PHF21B: variants seen among roughly 807,000 people sequenced by gnomAD.
PHF21B encodes the protein PHD finger protein 21B.
A neutral mutation model predicts 62.2 loss-of-function variants in PHF21B; 22 were observed. That is an observed-to-expected ratio of 0.35 (90% confidence interval 0.25 to 0.51). The LOEUF (loss-of-function observed/expected upper bound fraction) is 0.51. Among genes scored for constraint, PHF21B ranks in the 20% least tolerant of loss-of-function variants. The pLI is 0.97. For missense variants in PHF21B, 701 were observed against 707.9 expected (o/e 0.99, Z 0.11); for synonymous variants, 341 against 314.7 (o/e 1.08, Z -0.88).
chr22:44,944,145 T>C (rs1300991010), intron 2 of PHF21B, among the ~76,000 whole-genome samples: 1 of 152,178 alleles, frequency 6.6e-6, no homozygotes, highest in South Asian at 2.1e-4. Flanking sequence ...CTGCAGACAG[T>C]GAAGGACTGT....
chr22:44,925,173 G>A (rs1437524268), intron 2 of PHF21B, among the ~76,000 whole-genome samples: 4 of 152,054 alleles, frequency 2.6e-5, no homozygotes, highest in African/African-American at 9.7e-5. Flanking sequence ...ATTACAAAAC[G>A]ACACCAGGAC....
chr22:44,931,541 G>A (rs138675070), intron 2 of PHF21B, among the ~76,000 whole-genome samples: 1 of 150,314 alleles, frequency 6.7e-6, no homozygotes, highest in Non-Finnish European at 1.5e-5. Flanking sequence ...GCGTTGCAGA[G>A]CAGTTTGTTT....
chr22:45,009,310 G>C lies in PHF21B; in HGVS notation c.54+186C>G. 1 of 635,680 alleles carries C rather than the reference G, an allele frequency of 1.6e-6. No individual in the cohort carries two copies. The highest frequency in any genetic ancestry group is 2.6e-6 in the Non-Finnish European group (1 of 384,456). The allele number at this position is 635,680 out of a possible 1,614,324, so 39.4% of individuals were successfully genotyped here. ...CCGCAAACTGTGCAGGACAGCGCCA[G>C]GGGCAGGCGGAGGGGAGCCCAGAAG... On this transcript the variant is annotated intron_variant, in intron 1 of 12. Transcript: ENST00000313237. The surrounding 1 kb of genome is among the most constrained non-coding windows in gnomAD (Gnocchi z 5.9).
intron 2 of PHF21B, among the ~76,000 whole-genome samples, chr22:45,004,819 G>A (rs978840822): frequency 1.3e-5 from 2 of 152,220 alleles, no homozygotes; most frequent in African/African-American, 4.8e-5. Flanking sequence ...TCAAGACAAC[G>A]TACTTTTACT....
chr22:45,002,345 C>A (rs766394830), intron 2 of PHF21B, among the ~76,000 whole-genome samples: 8 of 152,264 alleles, frequency 5.3e-5, no homozygotes, highest in Admixed American at 5.2e-4. Context: ...TGCACACAAA[C>A]ACATACACAC....
chr22:44,918,292 G>A (rs1601597778), intron 3 of PHF21B, among the ~76,000 whole-genome samples: 2 of 152,340 alleles, frequency 1.3e-5, no homozygotes, highest in East Asian at 3.9e-4. Flanking sequence ...CGATCATCTG[G>A]GGTTTGCCCA....
At chr22:44,953,744 T>C (rs1281202987) in intron 2 of PHF21B, among the ~76,000 whole-genome samples, 2 of 152,202 alleles carry the variant, frequency 1.3e-5, no homozygotes, top group African/African-American at 4.8e-5. Context: ...CCCATTAGTA[T>C]CACAAGCAAG....
intron 2 of PHF21B, among the ~76,000 whole-genome samples, chr22:44,987,127 T>C (rs2072964263): frequency 6.6e-6 from 1 of 152,118 alleles, no homozygotes; most frequent in Non-Finnish European, 1.5e-5. Context: ...GACAAACAAC[T>C]TTGGTCACGG....
intron 5 of PHF21B, chr22:44,901,510 T>C (rs2071158741): frequency 9.0e-6 from 2 of 221,462 alleles, no homozygotes; most frequent in Non-Finnish European, 1.8e-5. Context: ...ATGTGTTGTA[T>C]CTTCTTTGCT....
chr22:44,968,593 G>A (rs1028891288), intron 2 of PHF21B, among the ~76,000 whole-genome samples: 1 of 142,908 alleles, frequency 7.0e-6, no homozygotes, highest in African/African-American at 2.6e-5. Context: ...GCAGTGAACT[G>A]AGATTGCGCC....
intron 2 of PHF21B, among the ~76,000 whole-genome samples, chr22:44,931,171 C>T (rs1029487704): frequency 1.5e-4 from 23 of 152,344 alleles, no homozygotes; most frequent in African/African-American, 4.8e-4. Flanking sequence ...TCACCCATCT[C>T]GGCCTCCCAA....
intron 2 of PHF21B, among the ~76,000 whole-genome samples, chr22:44,962,555 G>C (rs970806782): frequency 6.6e-6 from 1 of 152,204 alleles, no homozygotes; most frequent in East Asian, 1.9e-4. Context: ...TCTACTGAAC[G>C]TGTATTGCTT....
At chr22:44,887,211 G>C (rs1473229195) in intron 10 of PHF21B, among the ~76,000 whole-genome samples, 5 of 149,672 alleles carry the variant, frequency 3.3e-5, no homozygotes, top group African/African-American at 1.2e-4. Flanking sequence ...GACCACACAA[G>C]TCATGCATCT....
rs2072004911 is a variant in PHF21B, at chr22:44,943,582, G to A, written c.121-23092C>T. On this transcript the variant is annotated intron_variant, in intron 2 of 12. Coordinates refer to ENST00000313237, the MANE Select transcript of PHF21B (RefSeq NM_138415.5). ...CTTCCTCCAGGCCCCGCGGGCTCTA[G>A]AGTCCTGGCAGCTGGCTCACACCGG... 2.6e-5 allele frequency among the ~76,000 whole-genome samples: 4 copies of A among 152,146 alleles called. No homozygotes were observed. In the South Asian group the frequency reaches 8.3e-4, roughly 32 times the overall value.
intron 2 of PHF21B, among the ~76,000 whole-genome samples, chr22:45,004,611 G>A (rs2073280818): frequency 6.6e-6 from 1 of 152,190 alleles, no homozygotes; most frequent in Non-Finnish European, 1.5e-5. Flanking sequence ...CTTTCTGGAG[G>A]AGAGTAAGCT....
rs147825069 is a variant in PHF21B, at chr22:44,906,436, G to A, written c.831+7386C>T. Among the ~76,000 whole-genome samples, 1,194 of 152,350 alleles carry A rather than the reference G, an allele frequency of 7.8e-3. 8 individuals are homozygous for A. Among genetic ancestry groups the A allele is most frequent in the Middle Eastern group, 0.017 (5 of 294 alleles). Reference sequence around the variant, plus strand: ...AGGAAGGAGGGCTGGGCACAGGGCCGAAACGTGTGTGTAACAGGGCTTGCT... The same window carrying A: ...AGGAAGGAGGGCTGGGCACAGGGCCAAAACGTGTGTGTAACAGGGCTTGCT... On this transcript the variant is annotated intron_variant, in intron 5 of 12. Coordinates refer to ENST00000313237, the MANE Select transcript of PHF21B (RefSeq NM_138415.5).
intron 2 of PHF21B, among the ~76,000 whole-genome samples, chr22:44,949,134 T>G (rs564505145): frequency 1.3e-5 from 2 of 151,996 alleles, no homozygotes; most frequent in African/African-American, 4.8e-5. Flanking sequence ...AAACCCCGTC[T>G]CTACTAAAAA....
intron 2 of PHF21B, among the ~76,000 whole-genome samples, chr22:44,985,656 C>T (rs77118486): frequency 0.031 from 4,697 of 152,280 alleles, 96 homozygotes; most frequent in Middle Eastern, 0.061. Context: ...GTTCCCTCCA[C>T]TGTGGAGATA....
chr22:44,936,870 C>CAT (rs1555944869), intron 2 of PHF21B, among the ~76,000 whole-genome samples: 1 of 128,656 alleles, frequency 7.8e-6, no homozygotes, highest in Non-Finnish European at 1.6e-5. Context: ...CACTTTCTTT[C>CAT]TTTTTTTTTT....
Sources: allele counts gnomAD v4.1 joint callset (sites outside exome capture counted in the v4.1 genomes callset), GRCh38; gene constraint gnomAD v4.1.1; non-coding constraint Gnocchi (gnomAD v3.1); transcripts MANE v1.5; gene names NCBI Gene and HGNC (gene_info 2026-07-23, HGNC 2026-07-21).